Variants in TEX11 observed in about 807,000 individuals in gnomAD.
The protein encoded by TEX11 is testis expressed 11.
A neutral mutation model predicts 84.4 loss-of-function variants in TEX11; 7 were observed. The observed-to-expected ratio is 0.08, with a 90% CI of 0.05 to 0.16. TEX11 has a LOEUF of 0.16. TEX11 is among the 10% of genes least tolerant of loss of function. TEX11 has a pLI of 1.00. For synonymous variants in TEX11, 264 were observed against 222.8 expected (o/e 1.18, Z -1.64); for missense variants, 551 against 660.5 (o/e 0.83, Z 1.82).
At chrX:70,589,372 ATATACT>A (rs2088896676) in intron 25 of TEX11, among the ~76,000 whole-genome samples, 1 of 110,294 alleles carries the variant, frequency 9.1e-6, no homozygotes, top group African/African-American at 3.3e-5. Context: ...GTGTATAAAA[ATATACT>A]TAGACTATAT....
At chrX:70,727,721 C>T (rs1459790148) in intron 11 of TEX11, among the ~76,000 whole-genome samples, 1 of 110,610 alleles carries the variant, frequency 9.0e-6, no homozygotes, top group Non-Finnish European at 1.9e-5. Context: ...GGATAAGTGC[C>T]CTTATAAGAA....
chrX:70,788,973 T>TAG (rs35956435), intron 9 of TEX11, among the ~76,000 whole-genome samples: 136 of 9,552 alleles, frequency 0.014, 5 homozygotes, highest in Non-Finnish European at 0.018. Context: ...TATATATATA[T>TAG]AGAGAGAGAG....
the TEX11 span, among the ~76,000 whole-genome samples, chrX:70,515,219 T>C: frequency 8.9e-6 from 1 of 111,964 alleles, no homozygotes; most frequent in South Asian, 3.8e-4. Context: ...GCTGCACCCA[T>C]TAACTCGTCA....
At chrX:70,743,427 A>G (rs186098003) in intron 10 of TEX11, among the ~76,000 whole-genome samples, 1 of 112,257 alleles carries the variant, frequency 8.9e-6, no homozygotes, top group Non-Finnish European at 1.9e-5. Context: ...TATTCAAAAG[A>G]TTCCATTTTG....
chrX:70,549,179 C>A (rs1296164841), intron 28 of TEX11, among the ~76,000 whole-genome samples: 2 of 111,209 alleles, frequency 1.8e-5, no homozygotes. Flanking sequence ...GTACCCACTG[C>A]CTTGAAGGGA....
intron 7 of TEX11, among the ~76,000 whole-genome samples, chrX:70,839,552 G>C (rs1421983052): frequency 2.7e-5 from 3 of 111,702 alleles, no homozygotes; most frequent in Non-Finnish European, 3.8e-5. Flanking sequence ...AAACAGAGCA[G>C]AAAAACTGGA....
chrX:70,838,687 A>T (rs2091420886), intron 7 of TEX11, among the ~76,000 whole-genome samples: 1 of 112,687 alleles, frequency 8.9e-6, no homozygotes, highest in African/African-American at 3.2e-5. Context: ...AGGGCGAGGC[A>T]TCGCCTCACC....
intron 20 of TEX11, among the ~76,000 whole-genome samples, chrX:70,613,734 C>T (rs1051227748): frequency 1.8e-5 from 2 of 111,591 alleles, no homozygotes; most frequent in Non-Finnish European, 3.8e-5. Context: ...GCTTGTTCCA[C>T]CCCTCCCCAA....
intron 25 of TEX11, among the ~76,000 whole-genome samples, chrX:70,565,187 G>A: frequency 9.0e-6 from 1 of 111,141 alleles, no homozygotes; most frequent in Non-Finnish European, 1.9e-5. Context: ...TGTGTTTATT[G>A]GCTGCATAAA....
intron 25 of TEX11, among the ~76,000 whole-genome samples, chrX:70,558,202 C>A (rs1017004831): frequency 5.6e-5 from 6 of 108,026 alleles, no homozygotes; most frequent in Non-Finnish European, 7.6e-5. Flanking sequence ...ATCAAGACAG[C>A]ATGGTACTGA....
At chrX:70,649,130 G>C (rs1322563752) in intron 17 of TEX11, among the ~76,000 whole-genome samples, 3 of 112,008 alleles carry the variant, frequency 2.7e-5, no homozygotes. Context: ...ATGGGCATTT[G>C]GGTTGGTTCC....
intron 28 of TEX11, among the ~76,000 whole-genome samples, chrX:70,533,900 T>A: frequency 9.2e-6 from 1 of 109,227 alleles, no homozygotes; most frequent in South Asian, 4.1e-4. Context: ...GAGACCATCC[T>A]GGCCAACATG....
chrX:70,843,328 G>C (rs892486109), intron 7 of TEX11, among the ~76,000 whole-genome samples: 2 of 111,367 alleles, frequency 1.8e-5, no homozygotes, highest in Non-Finnish European at 3.8e-5. Flanking sequence ...TCTGATCTTT[G>C]ACAAACCTGA....
chrX:70,544,610 C>T (rs755590825), intron 28 of TEX11, among the ~76,000 whole-genome samples: 18 of 109,415 alleles, frequency 1.6e-4, no homozygotes, highest in Non-Finnish European at 3.0e-4. Context: ...GAGGTCGAGG[C>T]GGATGGATCA....
chrX:70,864,176 G>A (rs868748250), intron 4 of TEX11, among the ~76,000 whole-genome samples: 3 of 111,207 alleles, frequency 2.7e-5, no homozygotes, highest in Middle Eastern at 9.2e-3. Flanking sequence ...TATTATCCAG[G>A]AGAACTTCCC....
At chrX:70,655,322 C>A (rs553979989) in intron 16 of TEX11, among the ~76,000 whole-genome samples, 1 of 111,130 alleles carries the variant, frequency 9.0e-6, no homozygotes, top group Non-Finnish European at 1.9e-5. Flanking sequence ...GACTTTACCA[C>A]GGGTTTATCA....
chrX:70,742,504 G>A (rs1031270588), intron 10 of TEX11, among the ~76,000 whole-genome samples: 4 of 109,672 alleles, frequency 3.6e-5, no homozygotes, highest in South Asian at 7.8e-4. Context: ...CAAGGTGGGA[G>A]GATCACTTGA....
chrX:70,562,545 T>C (rs1014379735), intron 25 of TEX11, among the ~76,000 whole-genome samples: 1 of 112,466 alleles, frequency 8.9e-6, no homozygotes, highest in Non-Finnish European at 1.9e-5. Context: ...TTTTCAAAGT[T>C]ACTTAAATCG....
intron 17 of TEX11, among the ~76,000 whole-genome samples, chrX:70,645,322 C>A (rs1288887903): frequency 9.1e-6 from 1 of 110,074 alleles, no homozygotes; most frequent in Non-Finnish European, 1.9e-5. Context: ...CCATATATGA[C>A]CAATGGACAA....
Sources: gnomAD v4.1 joint callset for allele counts (sites outside exome capture counted in the v4.1 genomes callset) on GRCh38, gnomAD v4.1.1 for gene constraint, MANE v1.5 for transcripts, NCBI Gene and HGNC (gene_info 2026-07-23, HGNC 2026-07-21) for gene names.